GUCY2F: variants seen among roughly 807,000 people sequenced by gnomAD.
GUCY2F encodes retinal guanylyl cyclase 2.
In GUCY2F, 61 loss-of-function variants were observed where a neutral mutation model predicts 73.1. The ratio of observed to expected loss-of-function variants is 0.83; its 90% confidence interval spans 0.68 to 1.03. The LOEUF is 1.03. GUCY2F is among the 50% of genes least tolerant of loss of function. GUCY2F has a pLI of 0.00. For synonymous variants in GUCY2F, 331 were observed against 307.8 expected, an observed-to-expected ratio of 1.08 and a Z score of -0.79; for missense variants, 912 against 854.3, an observed-to-expected ratio of 1.07 and a Z score of -0.84.
At chrX:109,377,561 T>A (rs1398245304) in intron 17 of GUCY2F, among the ~76,000 whole-genome samples, 1 of 112,031 alleles carries the variant, frequency 8.9e-6, no homozygotes, top group East Asian at 2.8e-4. Context: ...TAGTGTAGTG[T>A]CTTATACAGA....
chrX:109,447,446 T>TA (rs1180659823), intron 6 of GUCY2F, among the ~76,000 whole-genome samples: 20 of 110,296 alleles, frequency 1.8e-4, no homozygotes, highest in Non-Finnish European at 3.6e-4. Context: ...TATGCAGCCA[T>TA]AAAAAATGAT....
At chrX:109,465,035 G>A in intron 3 of GUCY2F, 107 bp downstream of exon 3, 1 of 540,410 alleles carries the variant, frequency 1.9e-6, no homozygotes, top group East Asian at 3.4e-5. Context: ...GTGGTTGCCT[G>A]CCATTGACTG....
At chrX:109,389,358 T>C (rs909165602) in intron 14 of GUCY2F, among the ~76,000 whole-genome samples, 2 of 112,068 alleles carry the variant, frequency 1.8e-5, no homozygotes, top group Non-Finnish European at 3.8e-5. Context: ...ACCAGTAAGT[T>C]GAAACTTTTT....
At chrX:109,419,409 T>A (rs1349223710) in intron 8 of GUCY2F, among the ~76,000 whole-genome samples, 1 of 110,938 alleles carries the variant, frequency 9.0e-6, no homozygotes, top group East Asian at 2.8e-4. Context: ...TTTCAAAAAC[T>A]ATGTAATTCA....
chrX:109,444,407 C>G (rs1931948943), intron 6 of GUCY2F, among the ~76,000 whole-genome samples: 1 of 112,029 alleles, frequency 8.9e-6, no homozygotes. Context: ...ACTGAGACAA[C>G]AATTAATTCT....
At chrX:109,375,841 GC>G (rs1342149531) in intron 19 of GUCY2F, 56 bp downstream of exon 19, 10 of 833,901 alleles carry the variant, frequency 1.2e-5, no homozygotes, top group Non-Finnish European at 1.8e-5. Flanking sequence ...GCCAAAGGAA[GC>G]CCCAGATTTG....
chrX:109,418,430 A>C (rs1295564404), intron 8 of GUCY2F, among the ~76,000 whole-genome samples: 1 of 111,797 alleles, frequency 8.9e-6, no homozygotes, highest in Non-Finnish European at 1.9e-5. Context: ...TTTTTGATAA[A>C]TTTCAAGATT....
intron 6 of GUCY2F, 64 bp from the exon 7 acceptor site, chrX:109,441,546 C>T: frequency 1.2e-6 from 1 of 820,472 alleles, no homozygotes; most frequent in Admixed American, 3.6e-5. Flanking sequence ...CAGAGCTTAT[C>T]TGAATTTTCT....
Position 109,475,543 on chromosome X carries a change from A to G in GUCY2F, c.394T>C (p.Cys132Arg). Residue 132 changes from cysteine to arginine, a missense_variant, in exon 2 of 20, where the codon TGC becomes CGC. By Grantham distance (180) the Cys-to-Arg change is radical. Transcript: ENST00000218006. Reference protein sequence around the residue: ...GFIGPTNPGYCEAASLLGNSW... With the variant: ...GFIGPTNPGYREAASLLGNSW... ...TTTCCCAGGAGCGAGGCTGCCTCGC[A>G]GTAGCCAGGGTTGGTAGGTCCAATA... The G allele has an allele frequency of 8.3e-7, 1 of 1,210,987 alleles. No individual in the cohort carries two copies. Among genetic ancestry groups the G allele is most frequent in the Non-Finnish European group, 1.1e-6 (1 of 894,558 alleles).
At chrX:109,430,897 G>T (rs760567145) in intron 7 of GUCY2F, among the ~76,000 whole-genome samples, 1 of 111,308 alleles carries the variant, frequency 9.0e-6, no homozygotes, top group African/African-American at 3.3e-5. Flanking sequence ...TCGTGTGTGT[G>T]TATGGAGGGG....
intron 7 of GUCY2F, among the ~76,000 whole-genome samples, chrX:109,439,932 C>T (rs1424166181): frequency 9.0e-6 from 1 of 111,549 alleles, no homozygotes; most frequent in Non-Finnish European, 1.9e-5. Flanking sequence ...TCCCTTAGCA[C>T]TCCACTCACA....
intron 13 of GUCY2F, among the ~76,000 whole-genome samples, chrX:109,392,666 A>G (rs1930595439): frequency 8.9e-6 from 1 of 112,045 alleles, no homozygotes; most frequent in East Asian, 2.8e-4. Flanking sequence ...AACTTAAATG[A>G]CCAGCATGAT....
chrX:109,472,159 C>G (rs1412746638), intron 2 of GUCY2F, among the ~76,000 whole-genome samples: 1 of 110,096 alleles, frequency 9.1e-6, no homozygotes, highest in Non-Finnish European at 1.9e-5. Context: ...CCAGAAGTGT[C>G]ATACCAGCCA....
chrX:109,452,752 GT>G (rs1352671117), intron 4 of GUCY2F, among the ~76,000 whole-genome samples: 28 of 111,689 alleles, frequency 2.5e-4, no homozygotes, highest in African/African-American at 9.1e-4. Flanking sequence ...GATGCATTTG[GT>G]TTTAAAAGTG....
At chrX:109,431,699 G>GAAA (rs539109461) in intron 7 of GUCY2F, among the ~76,000 whole-genome samples, 4 of 81,933 alleles carry the variant, frequency 4.9e-5, no homozygotes, top group Non-Finnish European at 9.4e-5. Context: ...ACTCTGTCTG[G>GAAA]AAAAAAAAAA....
chrX:109,421,531 A>G (rs1275723022), intron 8 of GUCY2F, among the ~76,000 whole-genome samples: 1 of 111,709 alleles, frequency 9.0e-6, no homozygotes, highest in Non-Finnish European at 1.9e-5. Flanking sequence ...AGATATCTAA[A>G]GTAGTCAAAT....
chrX:109,374,801 G>GAGGCTGC (rs765920338), intron 19 of GUCY2F, among the ~76,000 whole-genome samples: 46 of 112,041 alleles, frequency 4.1e-4, no homozygotes, highest in Non-Finnish European at 1.3e-4. Context: ...GGTGATTCAG[G>GAGGCTGC]AGGCTGCAGA....
Position 109,398,605 on chromosome X carries a change from A to G in GUCY2F, c.2219T>C (p.Met740Thr). The G allele has an allele frequency of 2.5e-6, 3 of 1,207,403 alleles. No homozygotes were observed. In the South Asian group the frequency reaches 5.3e-5, roughly 21 times the overall value. Residue 740 changes from methionine (M) to threonine (T), a missense_variant, in exon 11 of 20, where the codon ATG (methionine) becomes ACG (threonine). Met to Thr is a moderately conservative substitution (Grantham distance 81, BLOSUM62 -1). Coordinates refer to ENST00000218006, the MANE Select transcript of GUCY2F (RefSeq NM_001522.3). Reference sequence around the variant, plus strand: ...GGTACCCCGGACCATCACTTCTTGCATGATGATGGCAAAGCTATAGACATC... The same window carrying G: ...GGTACCCCGGACCATCACTTCTTGCGTGATGATGGCAAAGCTATAGACATC... ...AGDVYSFAII[M>T]QEVMVRGTPF...
At chrX:109,394,968 A>G (rs1168889673) in intron 12 of GUCY2F, among the ~76,000 whole-genome samples, 1 of 112,277 alleles carries the variant, frequency 8.9e-6, no homozygotes, top group Non-Finnish European at 1.9e-5. Flanking sequence ...CAAAGTAAAC[A>G]TGGCTCTGTG....
Sources: allele counts gnomAD v4.1 joint callset (sites outside exome capture counted in the v4.1 genomes callset), GRCh38; gene constraint gnomAD v4.1.1; transcripts MANE v1.5; gene names NCBI Gene and HGNC (gene_info 2026-07-23, HGNC 2026-07-21).